MARK3: variants seen among roughly 807,000 people sequenced by gnomAD.
The protein encoded by MARK3 is microtubule affinity regulating kinase 3.
Under a neutral mutation model 90.1 loss-of-function variants are expected in MARK3, and 46 were observed. The ratio of observed to expected loss-of-function variants is 0.51; its 90% CI spans 0.40 to 0.65. The LOEUF (loss-of-function observed/expected upper bound fraction) is 0.65, where lower values mean the gene tolerates loss of function less well. Among genes scored for constraint, MARK3 ranks in the 30% least tolerant of loss-of-function variants. MARK3 has a pLI of 0.00. For missense variants in MARK3, 818 were observed against 947.2 expected (o/e 0.86, Z 1.79); for synonymous variants, 321 against 332.6 (o/e 0.97, Z 0.38).
chr14:103,472,633 G>T (rs187957679), intron 12 of MARK3, among the ~76,000 whole-genome samples: 169 of 129,450 alleles, frequency 1.3e-3, no homozygotes, highest in Middle Eastern at 8.8e-3. Flanking sequence ...GGCCAACAGA[G>T]CGAGGCTCCA....
intron 1 of MARK3, among the ~76,000 whole-genome samples, chr14:103,387,838 C>A (rs1189682428): frequency 6.6e-6 from 1 of 152,186 alleles, no homozygotes; most frequent in Non-Finnish European, 1.5e-5. Flanking sequence ...CAAAACCTTA[C>A]ATTGAACCAG....
chr14:103,407,305 A>T (rs1010644624), intron 2 of MARK3, among the ~76,000 whole-genome samples: 1 of 152,190 alleles, frequency 6.6e-6, no homozygotes, highest in South Asian at 2.1e-4. Context: ...GTATGAGCTC[A>T]TGTTACTTGC....
chr14:103,495,578 C>T lies in MARK3; in HGVS notation c.1845-2924C>T, dbSNP rs181993995. Among the ~76,000 whole-genome samples the T allele has an allele frequency of 3.2e-3, 480 of 152,006 alleles. 1 individual carries two copies. Among genetic ancestry groups the T allele is most frequent in the Admixed American group, 5.4e-3 (82 of 15,270 alleles). On this transcript the variant is annotated intron_variant, in intron 15 of 17. Transcript: ENST00000429436. ...TCCCTTTAGAAAAAACAGTTGCAGG[C>T]GTGACAGTTGCATTACATTTATTTC...
intron 3 of MARK3, among the ~76,000 whole-genome samples, chr14:103,446,710 CTTTTTTT>C (rs746523547): frequency 0.26 from 25,174 of 97,344 alleles, 2,602 homozygotes; most frequent in Middle Eastern, 0.36. Flanking sequence ...AGATTGTTGT[CTTTTTTT>C]TTTTTTTTTT....
chr14:103,499,465 A>C (rs1339186123), intron 16 of MARK3: 2 of 152,176 alleles, frequency 1.3e-5, no homozygotes, highest in Non-Finnish European at 2.9e-5. Flanking sequence ...CAAAAAAGAA[A>C]AACATATTTT....
At chr14:103,433,840 G>A (rs1477247626) in intron 3 of MARK3, among the ~76,000 whole-genome samples, 4 of 152,066 alleles carry the variant, frequency 2.6e-5, no homozygotes, top group African/African-American at 9.7e-5. Context: ...CTGGTTTCCT[G>A]GGGCCTAATG....
Position 103,424,226 on chromosome 14 carries a change from G to A in MARK3, c.244-4161G>A, listed in dbSNP as rs373616757. On this transcript the variant is annotated intron_variant, in intron 2 of 17. Coordinates refer to ENST00000429436, the MANE Select transcript of MARK3 (RefSeq NM_001128918.3). ...CCCTGTCTCAAGAGAAAAAAAAAACGCAGAATCAGAATCTTTGGAATAGTG... is the reference window on the plus strand; with the variant it reads ...CCCTGTCTCAAGAGAAAAAAAAAACACAGAATCAGAATCTTTGGAATAGTG... Among the ~76,000 whole-genome samples the A allele has an allele frequency of 8.6e-5, 13 of 150,696 alleles. No individual in the cohort carries two copies. In the East Asian group the frequency reaches 1.8e-3, roughly 21 times the overall value.
chr14:103,419,436 C>T (rs1227068529), intron 2 of MARK3, among the ~76,000 whole-genome samples: 1 of 152,156 alleles, frequency 6.6e-6, no homozygotes, highest in Non-Finnish European at 1.5e-5. Flanking sequence ...AATCCTGTTA[C>T]ATGGTAATGT....
At chr14:103,416,529 G>C (rs750358914) in intron 2 of MARK3, among the ~76,000 whole-genome samples, 1 of 152,168 alleles carries the variant, frequency 6.6e-6, no homozygotes. Flanking sequence ...CCTGCACTTC[G>C]GGAGGCCGAA....
At chr14:103,389,854 G>C (rs534739813) in intron 1 of MARK3, among the ~76,000 whole-genome samples, 60 of 141,666 alleles carry the variant, frequency 4.2e-4, no homozygotes, top group Non-Finnish European at 6.9e-4. Flanking sequence ...TGAGGCTGGA[G>C]AATCGCTTGA....
At chr14:103,405,533 G>A (rs1004903405) in intron 2 of MARK3, among the ~76,000 whole-genome samples, 2 of 151,992 alleles carry the variant, frequency 1.3e-5, no homozygotes, top group African/African-American at 4.8e-5. Flanking sequence ...TGTAGAGACA[G>A]GGTTTCACCG....
rs529804386 is a variant in MARK3 at position 103,437,441 on chromosome 14, G to C, written c.297+9001G>C. Among the ~76,000 whole-genome samples the C allele has an allele frequency of 8.5e-5, 13 of 152,180 alleles. No individual in the cohort carries two copies. In the East Asian group the frequency reaches 2.3e-3, roughly 27 times the overall value. ...ACTGAGAATAGTAGAGTGTATTTTAGAGATTGATTGTTTGTTTTTAGAATT... is the reference window on the plus strand; with the variant it reads ...ACTGAGAATAGTAGAGTGTATTTTACAGATTGATTGTTTGTTTTTAGAATT... On this transcript the variant is annotated intron_variant, in intron 3 of 17. Transcript: ENST00000429436.
chr14:103,409,435 TAAAAAAAAAAAAAAAAAAAAAA>T (rs61200962), intron 2 of MARK3, among the ~76,000 whole-genome samples: 1 of 93,422 alleles, frequency 1.1e-5, no homozygotes, highest in Non-Finnish European at 2.1e-5. Context: ...GAACTTAAAG[TAAAAAAAAAAAAAAAAAAAAAA>T]AAAAAAAAGG....
chr14:103,399,607 G>A (rs907962744), intron 1 of MARK3, among the ~76,000 whole-genome samples: 4 of 150,740 alleles, frequency 2.7e-5, no homozygotes, highest in Non-Finnish European at 4.4e-5. Flanking sequence ...GCTGAGGCCA[G>A]AGAATGGCGT....
intron 6 of MARK3, chr14:103,458,699 C>A: frequency 1.5e-6 from 1 of 673,974 alleles, no homozygotes; most frequent in Non-Finnish European, 2.7e-6. Flanking sequence ...TTCTTAGAAC[C>A]TTTATATTTT....
chr14:103,465,410 G>GT (rs1252930726), intron 7 of MARK3, 147 bp from the exon 8 acceptor site: 10 of 616,198 alleles, frequency 1.6e-5, no homozygotes, highest in East Asian at 2.7e-5. Context: ...CTTGTCTCCT[G>GT]TTTTTTTCTC....
intron 15 of MARK3, among the ~76,000 whole-genome samples, chr14:103,492,549 A>G (rs2094035452): frequency 6.6e-6 from 1 of 152,246 alleles, no homozygotes; most frequent in Non-Finnish European, 1.5e-5. Context: ...ATTGAGAGCA[A>G]GGTAATGTCC....
intron 14 of MARK3, 122 bp from the exon 15 acceptor site, chr14:103,491,654 TA>T: frequency 9.5e-7 from 1 of 1,048,532 alleles, no homozygotes; most frequent in Non-Finnish European, 1.4e-6. Context: ...CTAAGTCCTA[TA>T]AAATACCCCT....
At chr14:103,486,195 T>C (rs2093926333) in intron 14 of MARK3, among the ~76,000 whole-genome samples, 2 of 152,146 alleles carry the variant, frequency 1.3e-5, no homozygotes, top group Non-Finnish European at 2.9e-5. Flanking sequence ...TCCCAGCACT[T>C]TGGGAGGCCG....
Sources: gnomAD v4.1 joint callset for allele counts (sites outside exome capture counted in the v4.1 genomes callset) on GRCh38, gnomAD v4.1.1 for gene constraint, MANE v1.5 for transcripts, NCBI Gene and HGNC (gene_info 2026-07-23, HGNC 2026-07-21) for gene names.